Variants in ZNF433 observed in about 807,000 individuals in gnomAD.
ZNF433 encodes the protein zinc finger protein 433.
Under a neutral mutation model 10.6 loss-of-function variants are expected in ZNF433, and 12 were observed. That is an observed-to-expected ratio of 1.13 (90% CI 0.72 to 1.83). The LOEUF is 1.83. Among genes scored for constraint, ZNF433 ranks in the 40% most tolerant of loss-of-function variants. The pLI is 0.00. For synonymous variants in ZNF433, 272 were observed against 271.3 expected (o/e 1.00, Z -0.02); for missense variants, 737 against 798.0 (o/e 0.92, Z 0.92).
intron 1 of ZNF433, chr19:12,018,666 A>G (rs2145417574): frequency 6.1e-6 from 1 of 163,514 alleles, no homozygotes; most frequent in East Asian, 1.7e-4. Flanking sequence ...ATCCTTGAAA[A>G]AAAAATGCCT....
chr19:12,034,705 C>A (rs1344731786), intron 1 of ZNF433: 3 of 419,348 alleles, frequency 7.2e-6, no homozygotes, highest in Non-Finnish European at 1.5e-5. Context: ...TCCTTCCTAC[C>A]GCCTCGAAGT....
At chr19:12,024,896 A>G (rs2145447570) in intron 1 of ZNF433, 1 of 152,350 alleles carries the variant, frequency 6.6e-6, no homozygotes, top group Non-Finnish European at 1.5e-5. Context: ...TCCCTCTCAC[A>G]AAGACACAAA....
At position 12,016,641 on chromosome 19, in the gene ZNF433, T is replaced by G. The variant is rs1226121040; in HGVS notation, c.217A>C (p.Ser73Arg). 1.2e-6 allele frequency: 2 copies of G among 1,613,892 alleles called. No homozygotes were observed. Among genetic ancestry groups the G allele is most frequent in the Non-Finnish European group, 1.7e-6 (2 of 1,179,992 alleles). The change falls in exon 4 of 4, where the codon AGT (serine) becomes CGT (arginine). Residue 73 changes from serine to arginine, a missense_variant. Coordinates refer to ENST00000550507, the MANE Select transcript of ZNF433 (RefSeq NM_001308348.2). Reference sequence around the variant, plus strand: ...TCTCCATGCTGATGACCTTCTTTACTTTCAAAGAGTCTCTCTCCCACAATT... The same window carrying G: ...TCTCCATGCTGATGACCTTCTTTACGTTCAAAGAGTCTCTCTCCCACAATT... Reference protein sequence around the residue: ...LRIVGERLFESKEGHQHGEIL... With the variant: ...LRIVGERLFERKEGHQHGEIL...
chr19:12,035,517 C>A lies in ZNF433; in HGVS notation c.3+20G>T. 1 of 1,570,726 alleles carries A rather than the reference C, an allele frequency of 6.4e-7. No individual in the cohort carries two copies. The highest frequency in any genetic ancestry group is 8.6e-7 in the Non-Finnish European group (1 of 1,158,078). ...AACCAGCTCCTCCCCCGCCTCGGGACCCCTGGCCCGCACGCTCACCATTTC... is the reference window on the plus strand; with the variant it reads ...AACCAGCTCCTCCCCCGCCTCGGGAACCCTGGCCCGCACGCTCACCATTTC... On this transcript the variant is annotated intron_variant, in intron 1 of 3. Transcript: ENST00000550507.
intron 1 of ZNF433, chr19:12,026,753 T>C: frequency 2.2e-6 from 1 of 454,166 alleles, no homozygotes; most frequent in Non-Finnish European, 4.4e-6. Context: ...CAACGATTCC[T>C]ATGGAGTCAT....
intron 1 of ZNF433, among the ~76,000 whole-genome samples, chr19:12,032,636 A>ACTAT (rs1975091036): frequency 6.6e-6 from 1 of 151,946 alleles, no homozygotes; most frequent in Admixed American, 6.6e-5. Context: ...GGCATGCACC[A>ACTAT]CTATACTCAG....
At chr19:12,020,691 C>T (rs552445683) in intron 1 of ZNF433, among the ~76,000 whole-genome samples, 2 of 152,030 alleles carry the variant, frequency 1.3e-5, no homozygotes, top group South Asian at 4.2e-4. Flanking sequence ...CAGAGGTGGC[C>T]GGATCACCTG....
chr19:12,015,997 G>A lies in ZNF433; in HGVS notation c.861C>T (p.Ala287=), dbSNP rs1974168211. ...KPYECKQCGK[A]FSSSHSFQIH... ...TTTGAAAGGAATGGGAAGAGCTGAA[G>A]GCTTTCCCACACTGTTTACATTCAT... The change falls in exon 4 of 4, where the codon GCC becomes GCT. Residue 287 remains alanine, a synonymous_variant. Transcript: ENST00000550507. The A allele has an allele frequency of 6.2e-7, 1 of 1,613,720 alleles. No individual in the cohort carries two copies. The highest frequency in any genetic ancestry group is 1.3e-5 in the African/African-American group (1 of 74,938).
intron 1 of ZNF433, among the ~76,000 whole-genome samples, chr19:12,033,539 C>T (rs374686652): frequency 6.9e-6 from 1 of 144,664 alleles, no homozygotes; most frequent in East Asian, 2.1e-4. Context: ...AAACAAAAAA[C>T]GGGCCAGGCG....
chr19:12,030,218 ATTT>A (rs1034212751), intron 1 of ZNF433: 8 of 415,462 alleles, frequency 1.9e-5, no homozygotes, highest in Non-Finnish European at 2.8e-5. Context: ...AGAAATGTTT[ATTT>A]TTTTATTTTT....
chr19:12,016,930 C>T (rs550413660), intron 3 of ZNF433, among the ~76,000 whole-genome samples: 154 of 152,022 alleles, frequency 1.0e-3, no homozygotes, highest in Middle Eastern at 3.4e-3. Context: ...TTTTAGTAGA[C>T]GGGGTTTCAC....
chr19:12,019,052 TAAAAAAAA>T (rs754859866), intron 1 of ZNF433, among the ~76,000 whole-genome samples: 12 of 62,832 alleles, frequency 1.9e-4, no homozygotes, highest in African/African-American at 5.7e-4. Flanking sequence ...TCCATCTTAA[TAAAAAAAA>T]AAAAAAAAAA....
At chr19:12,017,199 T>C (rs998636032) in intron 3 of ZNF433, among the ~76,000 whole-genome samples, 1 of 152,018 alleles carries the variant, frequency 6.6e-6, no homozygotes, top group African/African-American at 2.4e-5. Flanking sequence ...TTTTGGTTTT[T>C]TTTGTTTTGT....
At chr19:12,017,994 C>G in intron 2 of ZNF433, 58 bp from the exon 3 acceptor site, 2 of 1,375,118 alleles carry the variant, frequency 1.5e-6, no homozygotes, top group Non-Finnish European at 2.0e-6. Context: ...TAAAAAATTA[C>G]ATGATTCTAT....
chr19:12,021,960 G>A (rs941049398), intron 1 of ZNF433: 14 of 456,824 alleles, frequency 3.1e-5, no homozygotes, highest in African/African-American at 8.0e-5. Context: ...GATGCCTGGC[G>A]GTACTGGCTG....
intron 1 of ZNF433, among the ~76,000 whole-genome samples, chr19:12,020,986 CT>C (rs1178290869): frequency 1.9e-5 from 2 of 105,272 alleles, no homozygotes; most frequent in East Asian, 3.1e-4. Flanking sequence ...TTTTTTTTTT[CT>C]TTTTTTTTGA....
chr19:12,032,062 C>G (rs907810910), intron 1 of ZNF433, among the ~76,000 whole-genome samples: 3 of 151,904 alleles, frequency 2.0e-5, no homozygotes, highest in African/African-American at 4.8e-5. Flanking sequence ...CCTCAGCCTC[C>G]CGAGTAGCTG....
chr19:12,027,242 G>A (rs180942327), intron 1 of ZNF433: 3 of 373,312 alleles, frequency 8.0e-6, no homozygotes, highest in African/African-American at 6.4e-5. Context: ...AATCTGTGTT[G>A]TCTTTGTATA....
chr19:12,020,961 C>A (rs1181944975), intron 1 of ZNF433, among the ~76,000 whole-genome samples: 2 of 149,544 alleles, frequency 1.3e-5, no homozygotes, highest in African/African-American at 4.9e-5. Context: ...CTTAAGGACT[C>A]CTGCTTTACT....
Sources: allele counts gnomAD v4.1 joint callset (sites outside exome capture counted in the v4.1 genomes callset), GRCh38; gene constraint gnomAD v4.1.1; transcripts MANE v1.5; gene names NCBI Gene and HGNC (gene_info 2026-07-23, HGNC 2026-07-21).